The following PRRX2 variants were observed in gnomAD, a reference collection of about 807,000 sequenced individuals.
PRRX2 encodes paired mesoderm homeobox protein 2.
A neutral mutation model predicts 18.0 loss-of-function variants in PRRX2; 11 were observed. That is an observed-to-expected ratio of 0.61 (90% confidence interval 0.39 to 1.01). PRRX2 has a LOEUF of 1.01. Ranked by LOEUF, PRRX2 falls within the 50% of genes least tolerant of loss-of-function variation. The pLI is 0.01. For synonymous variants in PRRX2, 177 were observed against 154.8 expected (o/e 1.14, Z -1.06); for missense variants, 387 against 351.0 (o/e 1.10, Z -0.82).
chr9:129,686,082 G>C (rs1042557008), intron 1 of PRRX2, among the ~76,000 whole-genome samples: 11 of 152,244 alleles, frequency 7.2e-5, no homozygotes, highest in Non-Finnish European at 1.2e-4. Flanking sequence ...AAGTAGCAGA[G>C]TACCAGCGTC....
chr9:129,699,756 C>T (rs1564151393), intron 1 of PRRX2, among the ~76,000 whole-genome samples: 2 of 152,178 alleles, frequency 1.3e-5, no homozygotes, highest in African/African-American at 2.4e-5. Flanking sequence ...GAAGCATCCA[C>T]GAAGGATGAA....
intron 1 of PRRX2, among the ~76,000 whole-genome samples, chr9:129,673,652 C>CCACACACACACACACACACACACACA (rs3054761): frequency 1.5e-4 from 23 of 149,328 alleles, no homozygotes; most frequent in Middle Eastern, 3.5e-3. Context: ...ACCCCCCATG[C>CCACACACACACACACACACACACACA]CACACACACA....
chr9:129,716,517 C>T (rs947810200), intron 1 of PRRX2, among the ~76,000 whole-genome samples: 2 of 149,512 alleles, frequency 1.3e-5, no homozygotes, highest in African/African-American at 2.5e-5. Flanking sequence ...TGCAGTGGTA[C>T]GGTACCGGCT....
intron 1 of PRRX2, among the ~76,000 whole-genome samples, chr9:129,676,640 G>A (rs1832165179): frequency 6.6e-6 from 1 of 152,206 alleles, no homozygotes; most frequent in Non-Finnish European, 1.5e-5. Flanking sequence ...GTCCACAGTT[G>A]ATGTAGAGGA....
intron 1 of PRRX2, among the ~76,000 whole-genome samples, chr9:129,677,660 G>A (rs1462309156): frequency 2.6e-5 from 4 of 152,238 alleles, no homozygotes; most frequent in African/African-American, 9.6e-5. Context: ...TGACCAGGGA[G>A]GGGCCCTTGC....
chr9:129,672,158 G>T (rs1270337640), intron 1 of PRRX2, among the ~76,000 whole-genome samples: 1 of 152,188 alleles, frequency 6.6e-6, no homozygotes, highest in Middle Eastern at 3.2e-3. Flanking sequence ...GATTTAAGGG[G>T]ACCCAATGCT....
intron 1 of PRRX2, among the ~76,000 whole-genome samples, chr9:129,683,132 G>T (rs1832255060): frequency 1.3e-5 from 2 of 151,908 alleles, no homozygotes; most frequent in African/African-American, 2.4e-5. Flanking sequence ...CTCTGGCTAT[G>T]CCAGTTCCTG....
intron 1 of PRRX2, among the ~76,000 whole-genome samples, chr9:129,693,545 G>C (rs1832385233): frequency 6.7e-6 from 1 of 149,770 alleles, no homozygotes; most frequent in African/African-American, 2.5e-5. Context: ...AGTGAGCTGA[G>C]ATCACGCTAT....
chr9:129,678,868 C>T (rs950191460), intron 1 of PRRX2, among the ~76,000 whole-genome samples: 2 of 152,196 alleles, frequency 1.3e-5, no homozygotes, highest in African/African-American at 4.8e-5. Context: ...AGTTGTGTCT[C>T]AGTTGCCCAG....
chr9:129,684,733 G>T (rs1002012284), intron 1 of PRRX2, among the ~76,000 whole-genome samples: 3 of 152,116 alleles, frequency 2.0e-5, no homozygotes, highest in African/African-American at 4.8e-5. Context: ...GTGCTCCTGG[G>T]TGTAACAGAA....
rs576702219 is a variant in PRRX2, at chr9:129,695,170, A to T, written c.260-24061A>T. Reference sequence around the variant, plus strand: ...CCTCATGAAGATCCAGGGTCATTCTAGAAGTTCTAGGAGGATTATTCCCTT... The same window carrying T: ...CCTCATGAAGATCCAGGGTCATTCTTGAAGTTCTAGGAGGATTATTCCCTT... On this transcript the variant is annotated intron_variant, in intron 1 of 3. Coordinates refer to ENST00000372469, the MANE Select transcript of PRRX2 (RefSeq NM_016307.4). This position sits in a 1 kb window ranked among gnomAD's most constrained non-coding sequence, Gnocchi z 4.8. Among the ~76,000 whole-genome samples, 2 of 152,146 alleles carry T rather than the reference A, an allele frequency of 1.3e-5. No homozygotes were observed. The highest frequency in any genetic ancestry group is 6.5e-5 in the Admixed American group (1 of 15,280).
At chr9:129,718,014 T>C (rs1832735428) in intron 1 of PRRX2, among the ~76,000 whole-genome samples, 1 of 151,796 alleles carries the variant, frequency 6.6e-6, no homozygotes, top group Non-Finnish European at 1.5e-5. Flanking sequence ...GGATGAAGGG[T>C]CAGAGGTGCC....
intron 1 of PRRX2, among the ~76,000 whole-genome samples, chr9:129,698,949 C>G (rs1477624417): frequency 1.3e-5 from 2 of 152,324 alleles, no homozygotes; most frequent in East Asian, 3.9e-4. Context: ...GCTGGCCCAG[C>G]TGGAGGGCCA....
intron 1 of PRRX2, among the ~76,000 whole-genome samples, chr9:129,679,262 C>T (rs946949513): frequency 6.6e-6 from 1 of 152,130 alleles, no homozygotes; most frequent in Admixed American, 6.5e-5. Flanking sequence ...GGCTATCTGA[C>T]CTTGAATCCT....
intron 1 of PRRX2, among the ~76,000 whole-genome samples, chr9:129,716,754 C>T (rs1327320280): frequency 1.3e-5 from 2 of 151,994 alleles, no homozygotes; most frequent in Non-Finnish European, 2.9e-5. Context: ...CGTGCCTGGC[C>T]GCTATGCTTT....
At chr9:129,684,182 G>A (rs537376849) in intron 1 of PRRX2, among the ~76,000 whole-genome samples, 8 of 152,124 alleles carry the variant, frequency 5.3e-5, no homozygotes, top group African/African-American at 1.9e-4. Context: ...ACAAGGGTAC[G>A]GTTATAGTTG....
In PRRX2 at chr9:129,675,093, C is replaced by T. The variant is rs1008504460; in HGVS notation, c.259+8967C>T. On this transcript the variant is annotated intron_variant, in intron 1 of 3. Transcript: ENST00000372469. This position sits in a 1 kb window ranked among gnomAD's most constrained non-coding sequence, Gnocchi z 4.4. ...GGTCCTCTCGAGGGGACAGAGAGGC[C>T]GGGCAGAGCTGCCGCAGGATGCATA... 1.3e-5 allele frequency among the ~76,000 whole-genome samples: 2 copies of T among 152,138 alleles called. No homozygotes were observed. Among genetic ancestry groups the T allele is most frequent in the African/African-American group, 2.4e-5 (1 of 41,418 alleles).
At chr9:129,713,521 C>T (rs1352250744) in intron 1 of PRRX2, among the ~76,000 whole-genome samples, 3 of 152,290 alleles carry the variant, frequency 2.0e-5, no homozygotes, top group Middle Eastern at 3.4e-3. Context: ...AGGCCCCCTA[C>T]GCTGCTGAGC....
At position 129,722,456 on chromosome 9, in the gene PRRX2, C is replaced by T. The variant is rs1342454616; in HGVS notation, c.*104C>T. 18 of 1,409,076 alleles carry T rather than the reference C, an allele frequency of 1.3e-5. No homozygotes were observed. The highest frequency in any genetic ancestry group is 2.4e-5 in the Admixed American group (1 of 40,864). The allele number at this position is 1,409,076 out of a possible 1,614,324, so 87.3% of individuals were successfully genotyped here. ...TTCTCCTGGATGAGCTCTCCTGGCC[C>T]GTCTGTCCAGCCTGGACTCCCGAGC... On this transcript the variant is annotated 3_prime_UTR_variant, in exon 4 of 4. Transcript: ENST00000372469.
Sources: allele counts gnomAD v4.1 joint callset (sites outside exome capture counted in the v4.1 genomes callset), GRCh38; gene constraint gnomAD v4.1.1; non-coding constraint Gnocchi (gnomAD v3.1); transcripts MANE v1.5; gene names NCBI Gene and HGNC (gene_info 2026-07-23, HGNC 2026-07-21).